EPHB6: variants seen among roughly 807,000 people sequenced by gnomAD.
EPHB6 encodes the protein EPH receptor B6, also known as ephrin type-B receptor 6.
EPHB6 carries 51 observed loss-of-function variants against 107.0 expected under a neutral mutation model. The ratio of observed to expected loss-of-function variants is 0.48; its 90% CI spans 0.38 to 0.60. The LOEUF (loss-of-function observed/expected upper bound fraction) is 0.60, where lower values mean the gene tolerates loss of function less well. Among genes scored for constraint, EPHB6 ranks in the 20% least tolerant of loss-of-function variants. The probability of loss-of-function intolerance (pLI) is 0.00; values close to 1 mark genes in which losing one functional copy is unlikely to be tolerated. For missense variants in EPHB6, 1,141 were observed against 1,355.5 expected (o/e 0.84, Z 2.48); for synonymous variants, 553 against 549.0 (o/e 1.01, Z -0.10).
chr7:142,867,419 C>T lies in EPHB6; in HGVS notation c.1751-189C>T. 7 of 653,958 alleles carry T rather than the reference C, an allele frequency of 1.1e-5. No homozygotes were observed. The highest frequency in any genetic ancestry group is 1.9e-5 in the Non-Finnish European group (7 of 361,484). 40.5% of individuals were successfully genotyped at this position (653,958 alleles called of 1,614,324 possible). ...GGGGATGTGTGTGTGTGTTGTGTGT[C>T]CCTGTGTGTGGATGTGGGAGGGCTG... On this transcript the variant is annotated intron_variant, in intron 11 of 19. Transcript: ENST00000652003. The surrounding 1 kb of genome is among the most constrained non-coding windows in gnomAD (Gnocchi z 5.3).
chr7:142,866,840 G>A lies in EPHB6; in HGVS notation c.1588-66G>A, dbSNP rs996956279. 65 of 1,612,786 alleles carry A rather than the reference G, an allele frequency of 4.0e-5. No homozygotes were observed. The highest frequency in any genetic ancestry group is 1.6e-4 in the Middle Eastern group (1 of 6,074). On this transcript the variant is annotated intron_variant, in intron 10 of 19. Transcript: ENST00000652003. This position sits in a 1 kb window ranked among gnomAD's most constrained non-coding sequence, Gnocchi z 5.2. ...CCTGTCAACCAGGGAGGGTGGCTGGGGGCCTTAGGGGCAGAAGCAGGGGCA... is the reference window on the plus strand; with the variant it reads ...CCTGTCAACCAGGGAGGGTGGCTGGAGGCCTTAGGGGCAGAAGCAGGGGCA...
chr7:142,856,291 A>G (rs1802610321), intron 1 of EPHB6, among the ~76,000 whole-genome samples: 1 of 152,194 alleles, frequency 6.6e-6, no homozygotes. Context: ...GCATTGGAGC[A>G]TTGAGGCTTC....
chr7:142,869,262 C>A lies in EPHB6; in HGVS notation c.2460+115C>A. 1 of 1,226,014 alleles carries A rather than the reference C, an allele frequency of 8.2e-7. No individual in the cohort carries two copies. 75.9% of individuals were successfully genotyped at this position (1,226,014 alleles called of 1,614,324 possible). A position where few individuals can be genotyped will look rare whatever the true frequency, so the allele number is the denominator to read the frequency against. On this transcript the variant is annotated intron_variant, in intron 16 of 19. Transcript: ENST00000652003. This position sits in a 1 kb window ranked among gnomAD's most constrained non-coding sequence, Gnocchi z 4.5. ...GGTACCTCAGCCGGGGTGTCATAGTCCCTGAAAGGAGGGAGGCTCTCCTGT... is the reference window on the plus strand; with the variant it reads ...GGTACCTCAGCCGGGGTGTCATAGTACCTGAAAGGAGGGAGGCTCTCCTGT...
rs779956046 is a variant in EPHB6, at chr7:142,865,673, G to A, written c.1105+43G>A. 2.5e-6 allele frequency: 4 copies of A among 1,606,106 alleles called. No individual in the cohort carries two copies. The East Asian group carries it at 9.0e-5, about 36-fold the overall frequency. ...CCCTGCAATGGGAAAGAGACTTGGA[G>A]AGGGGCCAGAAGTGGGGGTAGCAGG... On this transcript the variant is annotated intron_variant, in intron 8 of 19. Transcript: ENST00000652003.
chr7:142,858,145 T>C (rs1802686639), intron 1 of EPHB6, among the ~76,000 whole-genome samples: 1 of 152,210 alleles, frequency 6.6e-6, no homozygotes, highest in Non-Finnish European at 1.5e-5. Flanking sequence ...TTGAATTATG[T>C]GTAAGACAAA....
In EPHB6 at chr7:142,869,904, A is replaced by G; in HGVS notation, c.2548A>G (p.Ile850Val). The G allele has an allele frequency of 6.2e-7, 1 of 1,614,134 alleles. No homozygotes were observed. Among genetic ancestry groups the G allele is most frequent in the Non-Finnish European group, 8.5e-7 (1 of 1,180,026 alleles). Residue 850 changes from isoleucine (I) to valine (V), a missense_variant, in exon 17 of 20, where the codon ATA becomes GTA. Transcript: ENST00000652003. The surrounding 1 kb of genome is among the most constrained non-coding windows in gnomAD (Gnocchi z 4.5). The stretch of plus-strand genomic sequence containing the variant: ...ATCCAGTGATGTCTGGAGCTTTGGG[A>G]TACTCATGTGGGAAGTGATGAGTTA... ...TTSSDVWSFG[I>V]LMWEVMSYGE...
In EPHB6 at chr7:142,865,573, C is replaced by T. The variant is rs200070477; in HGVS notation, c.1048C>T (p.Pro350Ser). 153 of 1,613,818 alleles carry T rather than the reference C, an allele frequency of 9.5e-5. No individual in the cohort carries two copies. The East Asian group carries it at 3.1e-3, about 33-fold the overall frequency. ...TCCCAACCCAGCAGCCCCCGTTTGCCCCTGCCTGGAGGGCTTCTACCGGGC... is the reference window on the plus strand; with the variant it reads ...TCCCAACCCAGCAGCCCCCGTTTGCTCCTGCCTGGAGGGCTTCTACCGGGC... ...HAPNPAAPVC[P>S]CLEGFYRASS... Residue 350 changes from proline (P) to serine (S), a missense_variant, in exon 8 of 20, where the codon CCC (proline) becomes TCC (serine). By Grantham distance (74) the Pro-to-Ser change is moderately conservative. Transcript: ENST00000652003.
In EPHB6 at chr7:142,868,894, G is replaced by A; in HGVS notation, c.2287-80G>A. 1 of 1,582,100 alleles carries A rather than the reference G, an allele frequency of 6.3e-7. No individual in the cohort carries two copies. The highest frequency in any genetic ancestry group is 8.6e-7 in the Non-Finnish European group (1 of 1,167,700). ...TGATTCGACACCCTCCCGCTCTCATGCTGTTGTCTGCTATGCAGTATGTTG... is the reference window on the plus strand; with the variant it reads ...TGATTCGACACCCTCCCGCTCTCATACTGTTGTCTGCTATGCAGTATGTTG... On this transcript the variant is annotated intron_variant, in intron 15 of 19. Transcript: ENST00000652003. The surrounding 1 kb of genome is among the most constrained non-coding windows in gnomAD (Gnocchi z 4.2).
intron 17 of EPHB6, 43 bp downstream of exon 17, chr7:142,870,009 C>T (rs1554523115): frequency 6.2e-7 from 1 of 1,614,016 alleles, no homozygotes; most frequent in Admixed American, 1.7e-5. Flanking sequence ...ACCCCGATCC[C>T]TCCCAGGTTG....
Position 142,870,989 on chromosome 7 carries a change from G to C in EPHB6, c.*85G>C, listed in dbSNP as rs1263320949. The C allele has an allele frequency of 7.5e-7, 1 of 1,328,996 alleles. No homozygotes were observed. The highest frequency in any genetic ancestry group is 1.0e-6 in the Non-Finnish European group (1 of 957,782). The allele number at this position is 1,328,996 out of a possible 1,614,324, so 82.3% of individuals were successfully genotyped here. A position where few individuals can be genotyped will look rare whatever the true frequency, so the allele number is the denominator to read the frequency against. ...TGAGCCGGGCTCCAACAGCCTCTGTGAGAGATGCCCCACACCAAACCCAAC... is the reference window on the plus strand; with the variant it reads ...TGAGCCGGGCTCCAACAGCCTCTGTCAGAGATGCCCCACACCAAACCCAAC... On this transcript the variant is annotated 3_prime_UTR_variant, in exon 20 of 20. Coordinates refer to ENST00000652003, the MANE Select transcript of EPHB6 (RefSeq NM_004445.6).
chr7:142,863,740 C>G (rs764868886), intron 6 of EPHB6, 45 bp downstream of exon 6: 4 of 1,595,570 alleles, frequency 2.5e-6, no homozygotes, highest in African/African-American at 2.7e-5. Context: ...TGGCCCTGCC[C>G]CTCCCTGTTC....
In EPHB6 at chr7:142,866,927, T is replaced by C; in HGVS notation, c.1609T>C (p.Phe537Leu). Residue 537 changes from phenylalanine (F) to leucine (L), a missense_variant, in exon 11 of 20, where the codon TTC (phenylalanine) becomes CTC (leucine). Coordinates refer to ENST00000652003, the MANE Select transcript of EPHB6 (RefSeq NM_004445.6). This position sits in a 1 kb window ranked among gnomAD's most constrained non-coding sequence, Gnocchi z 5.2. ...CCAGGCAGAAGACGAATCCCACTCC[T>C]TCACCCTGACCAGCGAGACCAACAC... ...YDQAEDESHS[F>L]TLTSETNTAT... The C allele has an allele frequency of 6.2e-7, 1 of 1,613,346 alleles. No homozygotes were observed. Among genetic ancestry groups the C allele is most frequent in the South Asian group, 1.1e-5 (1 of 91,016 alleles).
chr7:142,868,628 T>C lies in EPHB6; in HGVS notation c.2175T>C (p.Gly725=). 1.2e-6 allele frequency: 2 copies of C among 1,613,706 alleles called. No individual in the cohort carries two copies. The highest frequency in any genetic ancestry group is 8.5e-7 in the Non-Finnish European group (1 of 1,179,986). ...TCCTGGGCCGGGCCGCAGTGCTGGG[T>C]CAGTTCCAGCACCCCAACATCCTGC... ...MTFLGRAAVL[G]QFQHPNILRL... The change falls in exon 15 of 20, where the codon GGT becomes GGC. Residue 725 remains glycine (G), a synonymous_variant. Transcript: ENST00000652003. This position sits in a 1 kb window ranked among gnomAD's most constrained non-coding sequence, Gnocchi z 4.2.
chr7:142,870,294 C>T lies in EPHB6; in HGVS notation c.2691C>T (p.Asp897=), dbSNP rs759283671. ...CPPGLHLLML[D]TWQKDRARRP... ...CTGGATTACATCTACTTATGTTGGA[C>T]ACTTGGCAGAAGGACCGTGCCCGGC... The change falls in exon 18 of 20, where the codon GAC becomes GAT. Residue 897 remains aspartate, a synonymous_variant. Transcript: ENST00000652003. 1.1e-5 allele frequency: 18 copies of T among 1,614,242 alleles called. No individual in the cohort carries two copies. The highest frequency in any genetic ancestry group is 2.2e-5 in the East Asian group (1 of 44,888).
rs1446345459 is a variant in EPHB6, at chr7:142,862,035, C to T, written c.-278C>T. 1 of 152,212 alleles carries T rather than the reference C, an allele frequency of 6.6e-6. No individual in the cohort carries two copies. Among genetic ancestry groups the T allele is most frequent in the Non-Finnish European group, 1.5e-5 (1 of 68,058 alleles). 9.4% of individuals were successfully genotyped at this position (152,212 alleles called of 1,614,324 possible). A position where few individuals can be genotyped will look rare whatever the true frequency, so the allele number is the denominator to read the frequency against. The stretch of plus-strand genomic sequence containing the variant: ...CTCACAGTCTAGATGCTGGGAAGTC[C>T]AAGATCAGGGTGCCGGCATGGTCAG... On this transcript the variant is annotated 5_prime_UTR_variant, in exon 3 of 20. Coordinates refer to ENST00000652003, the MANE Select transcript of EPHB6 (RefSeq NM_004445.6).
In EPHB6 at chr7:142,868,173, C is replaced by T; in HGVS notation, c.1919-68C>T. On this transcript the variant is annotated intron_variant, in intron 13 of 19. Transcript: ENST00000652003. The surrounding 1 kb of genome is among the most constrained non-coding windows in gnomAD (Gnocchi z 4.2). ...GCACAACCTTCTGGAGGTAAGTGGGCATGTCTGGGGTGCGCGGGCAGCCCT... is the reference window on the plus strand; with the variant it reads ...GCACAACCTTCTGGAGGTAAGTGGGTATGTCTGGGGTGCGCGGGCAGCCCT... 1 of 1,613,998 alleles carries T rather than the reference C, an allele frequency of 6.2e-7. No individual in the cohort carries two copies. Among genetic ancestry groups the T allele is most frequent in the Non-Finnish European group, 8.5e-7 (1 of 1,179,952 alleles).
rs1234796491 is a variant in EPHB6 at position 142,867,026 on chromosome 7, G to A, written c.1708G>A (p.Gly570Ser). 3.7e-6 allele frequency: 6 copies of A among 1,613,948 alleles called. No individual in the cohort carries two copies. Among genetic ancestry groups the A allele is most frequent in the African/African-American group, 1.3e-5 (1 of 75,006 alleles). ...QVRARTAAGH[G>S]PYGGKVYFQT... ...GCGGGCCCGGACTGCTGCCGGCCAC[G>A]GCCCCTACGGGGGCAAAGTCTATTT... The change falls in exon 11 of 20, where the codon GGC (glycine) becomes AGC (serine). Residue 570 changes from glycine (G) to serine (S), a missense_variant. By Grantham distance (56) the Gly-to-Ser change is moderately conservative. Transcript: ENST00000652003. This position sits in a 1 kb window ranked among gnomAD's most constrained non-coding sequence, Gnocchi z 5.3.
At chr7:142,863,837 A>G (rs1346576900) in intron 6 of EPHB6, 129 bp from the exon 7 acceptor site, 4 of 1,492,572 alleles carry the variant, frequency 2.7e-6, no homozygotes, top group African/African-American at 2.8e-5. Flanking sequence ...ATTTCAAGGT[A>G]TCCTCTATCT....
rs769481543 is a variant in EPHB6 at position 142,868,611 on chromosome 7, C to G, written c.2158C>G (p.Arg720Gly). 3.1e-6 allele frequency: 5 copies of G among 1,613,630 alleles called. No homozygotes were observed. In the African/African-American group the frequency reaches 6.7e-5, roughly 22 times the overall value. Residue 720 changes from arginine to glycine, a missense_variant, in exon 15 of 20, where the codon CGG becomes GGG. By Grantham distance (125) the Arg-to-Gly change is moderately radical (BLOSUM62 -2). Transcript: ENST00000652003. This position sits in a 1 kb window ranked among gnomAD's most constrained non-coding sequence, Gnocchi z 4.2. ...AESLQMTFLG[R>G]AAVLGQFQHP... ...AAGCCTGCAGATGACCTTCCTGGGCCGGGCCGCAGTGCTGGGTCAGTTCCA... is the reference window on the plus strand; with the variant it reads ...AAGCCTGCAGATGACCTTCCTGGGCGGGGCCGCAGTGCTGGGTCAGTTCCA...
Sources: allele counts gnomAD v4.1 joint callset (sites outside exome capture counted in the v4.1 genomes callset), GRCh38; gene constraint gnomAD v4.1.1; non-coding constraint Gnocchi (gnomAD v3.1); transcripts MANE v1.5; gene names NCBI Gene and HGNC (gene_info 2026-07-23, HGNC 2026-07-21).